Variants in PTPRD observed in about 807,000 individuals in gnomAD.
PTPRD encodes protein tyrosine phosphatase receptor type D.
PTPRD carries 34 observed loss-of-function variants against 214.5 expected under a neutral mutation model. That is an observed-to-expected ratio of 0.16 (90% CI 0.12 to 0.21). PTPRD has a LOEUF of 0.21. PTPRD is among the 10% of genes least tolerant of loss of function. PTPRD has a pLI of 1.00. For synonymous variants in PTPRD, 1,128 were observed against 845.7 expected (o/e 1.33, Z -5.79); for missense variants, 2,545 against 2,398.7 (o/e 1.06, Z -1.27).
chr9:8,934,460 TA>T (rs1567098818), intron 11 of PTPRD, among the ~76,000 whole-genome samples: 1 of 12,912 alleles, frequency 7.7e-5, no homozygotes, highest in Non-Finnish European at 1.3e-4. Flanking sequence ...TTTATATATA[TA>T]TAAATATATA....
rs114034114 is a variant in PTPRD at position 10,586,457 on chromosome 9, C to T, written c.-600+25941G>A. On this transcript the variant is annotated intron_variant, in intron 2 of 45. Transcript: ENST00000381196. ...GAACGAAAATATTCAAAAAAGATGT[C>T]GAAAAGCACTGTTTTAAAGAAAGCC... 3.1e-3 allele frequency among the ~76,000 whole-genome samples: 469 copies of T among 151,960 alleles called. 2 individuals are homozygous for T. The highest frequency in any genetic ancestry group is 0.011 in the African/African-American group (439 of 41,484).
intron 10 of PTPRD, among the ~76,000 whole-genome samples, chr9:9,138,130 A>C (rs1360963042): frequency 1.3e-5 from 2 of 151,536 alleles, no homozygotes; most frequent in Non-Finnish European, 2.9e-5. Flanking sequence ...GTTAAATCAA[A>C]GGCAAAGAAA....
chr9:8,469,059 C>T (rs550563839), intron 31 of PTPRD, among the ~76,000 whole-genome samples: 29 of 151,960 alleles, frequency 1.9e-4, no homozygotes, highest in Non-Finnish European at 3.8e-4. Context: ...GGAAACAACC[C>T]ATCCCGACCC....
chr9:8,927,093 A>AT (rs1171161541), intron 11 of PTPRD, among the ~76,000 whole-genome samples: 11 of 152,072 alleles, frequency 7.2e-5, no homozygotes, highest in African/African-American at 2.7e-4. Context: ...TAGTAGCTAC[A>AT]TTTTTACTAG....
intron 14 of PTPRD, among the ~76,000 whole-genome samples, chr9:8,546,920 G>T (rs1253087590): frequency 3.3e-5 from 5 of 152,138 alleles, no homozygotes; most frequent in African/African-American, 4.8e-5. Context: ...CTAAAATTGT[G>T]GTTTATTTAG....
chr9:8,479,084 A>G (rs2096827570), intron 30 of PTPRD, among the ~76,000 whole-genome samples: 1 of 152,202 alleles, frequency 6.6e-6, no homozygotes, highest in Non-Finnish European at 1.5e-5. Context: ...ATACTGAATA[A>G]AAAGCTACAA....
intron 10 of PTPRD, among the ~76,000 whole-genome samples, chr9:9,039,982 T>TTG (rs553748173): frequency 5.8e-3 from 134 of 23,202 alleles, no homozygotes; most frequent in African/African-American, 0.013. Context: ...TTCCTGTGCA[T>TTG]TTTTTTTTTT....
At chr9:9,024,349 T>TTTC (rs1376078293) in intron 10 of PTPRD, among the ~76,000 whole-genome samples, 1 of 34,742 alleles carries the variant, frequency 2.9e-5, no homozygotes, top group African/African-American at 9.2e-5. Context: ...TTTTTTTTTG[T>TTTC]TTGTTTTTTT....
At chr9:9,581,790 T>C (rs1421295507) in intron 7 of PTPRD, among the ~76,000 whole-genome samples, 2 of 152,174 alleles carry the variant, frequency 1.3e-5, no homozygotes, top group African/African-American at 2.4e-5. Context: ...AACTATCCTA[T>C]GAATAATGTA....
intron 39 of PTPRD, among the ~76,000 whole-genome samples, chr9:8,371,959 A>G (rs987026063): frequency 5.9e-5 from 9 of 152,032 alleles, no homozygotes; most frequent in Non-Finnish European, 8.8e-5. Flanking sequence ...CATGAATGCA[A>G]TGATAAGCAG....
chr9:8,855,430 C>T lies in PTPRD; in HGVS notation c.-103-121484G>A, dbSNP rs113794722. On this transcript the variant is annotated intron_variant, in intron 11 of 45. Coordinates refer to ENST00000381196, the MANE Select transcript of PTPRD (RefSeq NM_002839.4). Reference sequence around the variant, plus strand: ...TTTCATTACTTGAGTAACTGCACAACTGCTCTGGCCCAAGAAGAATCTGTG... The same window carrying T: ...TTTCATTACTTGAGTAACTGCACAATTGCTCTGGCCCAAGAAGAATCTGTG... Among the ~76,000 whole-genome samples the T allele has an allele frequency of 3.4e-4, 52 of 152,280 alleles. 1 individual carries two copies. Among genetic ancestry groups the T allele is most frequent in the African/African-American group, 1.2e-3 (51 of 41,568 alleles).
chr9:10,321,719 A>G (rs1264351173), intron 3 of PTPRD, among the ~76,000 whole-genome samples: 1 of 152,064 alleles, frequency 6.6e-6, no homozygotes, highest in Admixed American at 6.6e-5. Flanking sequence ...TATGTAGGTC[A>G]CATTTATGTT....
chr9:9,397,228 T>A (rs1486111224), intron 9 of PTPRD, among the ~76,000 whole-genome samples: 2 of 151,916 alleles, frequency 1.3e-5, no homozygotes, highest in South Asian at 4.1e-4. Flanking sequence ...AGTGAAGCAT[T>A]TGTGAAAATA....
At chr9:9,660,751 T>G (rs886260931) in intron 7 of PTPRD, among the ~76,000 whole-genome samples, 1 of 152,014 alleles carries the variant, frequency 6.6e-6, no homozygotes. Context: ...TGATTTCCTT[T>G]GCCTTTATTC....
At chr9:9,138,181 C>A (rs1457608951) in intron 10 of PTPRD, among the ~76,000 whole-genome samples, 2 of 151,876 alleles carry the variant, frequency 1.3e-5, no homozygotes, top group African/African-American at 4.8e-5. Context: ...CTAAAAACTT[C>A]CCAAAATGTG....
At chr9:9,782,772 C>T (rs1355556410) in intron 5 of PTPRD, among the ~76,000 whole-genome samples, 2 of 152,118 alleles carry the variant, frequency 1.3e-5, no homozygotes, top group Non-Finnish European at 2.9e-5. Flanking sequence ...CAGTGTATAA[C>T]AAGTTATCGA....
intron 10 of PTPRD, among the ~76,000 whole-genome samples, chr9:9,155,070 G>A (rs1222683702): frequency 1.3e-5 from 2 of 152,050 alleles, no homozygotes; most frequent in Non-Finnish European, 2.9e-5. Context: ...ATCAAATAAC[G>A]AGATCAAGAG....
chr9:8,861,812 G>T (rs1156696201), intron 11 of PTPRD: 2 of 152,214 alleles, frequency 1.3e-5, no homozygotes, highest in South Asian at 2.1e-4. Flanking sequence ...ATGTTCGGAA[G>T]AGAGTGAGGA....
chr9:10,580,878 T>C (rs760357557), intron 2 of PTPRD, among the ~76,000 whole-genome samples: 4 of 152,282 alleles, frequency 2.6e-5, no homozygotes, highest in Non-Finnish European at 5.9e-5. Context: ...TAAATCTTAA[T>C]ATATCATAGA....
Sources: gnomAD v4.1 joint callset for allele counts (sites outside exome capture counted in the v4.1 genomes callset) on GRCh38, gnomAD v4.1.1 for gene constraint, MANE v1.5 for transcripts, NCBI Gene and HGNC (gene_info 2026-07-23, HGNC 2026-07-21) for gene names.